Variants in AP1M1 observed in about 807,000 individuals in gnomAD.
AP1M1 encodes the protein adaptor related protein complex 1 subunit mu 1.
In AP1M1, 18 loss-of-function variants were observed where a neutral mutation model predicts 57.1. The observed-to-expected ratio is 0.32, with a 90% CI of 0.22 to 0.47. The LOEUF (loss-of-function observed/expected upper bound fraction) is 0.47, where lower values mean the gene tolerates loss of function less well. AP1M1 is among the 20% of genes least tolerant of loss of function. The probability of loss-of-function intolerance (pLI) is 1.00; values close to 1 mark genes in which losing one functional copy is unlikely to be tolerated. For missense variants in AP1M1, 362 were observed against 593.5 expected, an observed-to-expected ratio of 0.61 and a Z score of 4.05; for synonymous variants, 241 against 237.9, an observed-to-expected ratio of 1.01 and a Z score of -0.12.
chr19:16,240,036 T>G lies in AP1M1; in HGVS notation c.*5601T>G, dbSNP rs956290186. ...GCTGGACATGTACAGGTTTTCTTTT[T>G]TATTGTCATTATTCCTTAAATAATA... On this transcript the variant is annotated 3_prime_UTR_variant, in exon 12 of 12. Transcript: ENST00000291439. 16 of 152,208 alleles carry G rather than the reference T, an allele frequency of 1.1e-4. No homozygotes were observed. The highest frequency in any genetic ancestry group is 3.6e-4 in the African/African-American group (15 of 41,454). 9.4% of individuals were successfully genotyped at this position (152,208 alleles called of 1,614,324 possible).
At chr19:16,222,813 C>T (rs942860346) in intron 5 of AP1M1, among the ~76,000 whole-genome samples, 5 of 152,086 alleles carry the variant, frequency 3.3e-5, no homozygotes, top group African/African-American at 1.2e-4. Context: ...CCAGGACTTG[C>T]TGTGTTGCCC....
At chr19:16,234,360 C>G (rs1046008236) in intron 11 of AP1M1, 53 bp from the exon 12 acceptor site, 2 of 1,613,774 alleles carry the variant, frequency 1.2e-6, no homozygotes, top group Non-Finnish European at 8.5e-7. Flanking sequence ...GGTCGGGTCC[C>G]GAAAGCAGGG....
chr19:16,227,440 G>A lies in AP1M1; in HGVS notation c.674-108G>A, dbSNP rs1048617052. On this transcript the variant is annotated intron_variant, in intron 6 of 11. Coordinates refer to ENST00000291439, the MANE Select transcript of AP1M1 (RefSeq NM_032493.4). The surrounding 1 kb of genome is among the most constrained non-coding windows in gnomAD (Gnocchi z 6.2). ...TTGTGGCCCAGGCTGCTCTCAGTGC[G>A]TGGACTGGGGGCCCTGCTCTGCCGG... The A allele has an allele frequency of 1.1e-4, 139 of 1,323,584 alleles. No individual in the cohort carries two copies. The highest frequency in any genetic ancestry group is 2.6e-4 in the African/African-American group (18 of 68,804). 82.0% of individuals were successfully genotyped at this position (1,323,584 alleles called of 1,614,324 possible).
At chr19:16,208,379 A>C in intron 4 of AP1M1, 1 of 410,986 alleles carries the variant, frequency 2.4e-6, no homozygotes, top group Non-Finnish European at 4.4e-6. Flanking sequence ...TTTACTCTCC[A>C]TCCACACAGA....
Position 16,240,364 on chromosome 19 carries a change from A to G in AP1M1, c.*5929A>G, listed in dbSNP as rs2091641517. 6.6e-6 allele frequency: 1 copy of G among 152,122 alleles called. No homozygotes were observed. The highest frequency in any genetic ancestry group is 1.5e-5 in the Non-Finnish European group (1 of 68,060). The allele number at this position is 152,122 out of a possible 1,614,324, so 9.4% of individuals were successfully genotyped here. A position where few individuals can be genotyped will look rare whatever the true frequency, so the allele number is the denominator to read the frequency against. On this transcript the variant is annotated 3_prime_UTR_variant, in exon 12 of 12. Coordinates refer to ENST00000291439, the MANE Select transcript of AP1M1 (RefSeq NM_032493.4). ...CCCAACATGCCAGCAAGTATCTAAC[A>G]CAAACCAAAAAATGAGAACTGGGGA...
In AP1M1 at chr19:16,237,938, C is replaced by T. The variant is rs1247025360; in HGVS notation, c.*3503C>T. 1.3e-5 allele frequency: 2 copies of T among 151,902 alleles called. No homozygotes were observed. Among genetic ancestry groups the T allele is most frequent in the Non-Finnish European group, 2.9e-5 (2 of 68,014 alleles). The allele number at this position is 151,902 out of a possible 1,614,324, so 9.4% of individuals were successfully genotyped here. A position where few individuals can be genotyped will look rare whatever the true frequency, so the allele number is the denominator to read the frequency against. Reference sequence around the variant, plus strand: ...CTCACTGCAGCCTCGAGCTGCCAGGCTCAGCCAATCCTGCCTCAGCCTCTT... The same window carrying T: ...CTCACTGCAGCCTCGAGCTGCCAGGTTCAGCCAATCCTGCCTCAGCCTCTT... On this transcript the variant is annotated 3_prime_UTR_variant, in exon 12 of 12. Coordinates refer to ENST00000291439, the MANE Select transcript of AP1M1 (RefSeq NM_032493.4).
Position 16,234,778 on chromosome 19 carries a change from AGCT to A in AP1M1, c.*346_*348del. The A allele has an allele frequency of 2.3e-6, 1 of 426,398 alleles. No individual in the cohort carries two copies. Among genetic ancestry groups the A allele is most frequent in the African/African-American group, 2.0e-5 (1 of 50,922 alleles). 26.4% of individuals were successfully genotyped at this position (426,398 alleles called of 1,614,324 possible). On this transcript the variant is annotated 3_prime_UTR_variant, in exon 12 of 12. Coordinates refer to ENST00000291439, the MANE Select transcript of AP1M1 (RefSeq NM_032493.4). ...CTTGGCCAACGCTTGCCAGCCAGCC[AGCT>A]GCAGGTGGCATCTGCCACGAAGGAA...
Position 16,227,715 on chromosome 19 carries a change from G to A in AP1M1, c.816+25G>A, listed in dbSNP as rs2145137423. 1.9e-6 allele frequency: 3 copies of A among 1,607,518 alleles called. No homozygotes were observed. Among genetic ancestry groups the A allele is most frequent in the Non-Finnish European group, 2.6e-6 (3 of 1,175,600 alleles). ...CGTGAGTGCGCCACCCTGGGGCTGG[G>A]CTGTCGGCAGACTCCTCCTCCCCTT... On this transcript the variant is annotated intron_variant, in intron 7 of 11. Transcript: ENST00000291439. The surrounding 1 kb of genome is among the most constrained non-coding windows in gnomAD (Gnocchi z 6.2).
In AP1M1 at chr19:16,203,336, G is replaced by T; in HGVS notation, c.43-123G>T. The stretch of plus-strand genomic sequence containing the variant: ...ACGGCCTCAAGTCCTGCTCTTTTGC[G>T]GATAGTGGCCATGACCGGAGTCCCC... On this transcript the variant is annotated intron_variant, in intron 1 of 11. Transcript: ENST00000291439. The surrounding 1 kb of genome is among the most constrained non-coding windows in gnomAD (Gnocchi z 4.6). 1.1e-6 allele frequency: 1 copy of T among 943,964 alleles called. No homozygotes were observed. Among genetic ancestry groups the T allele is most frequent in the Non-Finnish European group, 1.6e-6 (1 of 613,362 alleles). 58.5% of individuals were successfully genotyped at this position (943,964 alleles called of 1,614,324 possible).
chr19:16,234,146 G>A, intron 10 of AP1M1, 53 bp from the exon 11 acceptor site: 1 of 1,548,742 alleles, frequency 6.5e-7, no homozygotes, highest in South Asian at 1.2e-5. Context: ...ATTAAGGGGG[G>A]ACCAACAGGG....
Position 16,210,041 on chromosome 19 carries a change from C to T in AP1M1, c.546+864C>T, listed in dbSNP as rs190712125. On this transcript the variant is annotated intron_variant, in intron 5 of 11. Coordinates refer to ENST00000291439, the MANE Select transcript of AP1M1 (RefSeq NM_032493.4). ...TGTTCTCCATCACTGGAGTCTTCAT[C>T]GTGTTGTGATTGTCACACGAGTGGC... Among the ~76,000 whole-genome samples the T allele has an allele frequency of 1.1e-4, 17 of 152,236 alleles. No individual in the cohort carries two copies. In the East Asian group the frequency reaches 2.5e-3, roughly 22 times the overall value.
chr19:16,208,114 C>T lies in AP1M1; in HGVS notation c.363C>T (p.Gly121=). 6.2e-7 allele frequency: 1 copy of T among 1,613,650 alleles called. No individual in the cohort carries two copies. The highest frequency in any genetic ancestry group is 8.5e-7 in the Non-Finnish European group (1 of 1,179,814). Residue 121 remains glycine (G), a synonymous_variant, in exon 4 of 12, where the codon GGC becomes GGT. Coordinates refer to ENST00000291439, the MANE Select transcript of AP1M1 (RefSeq NM_032493.4). ...TGCTGGACGAGCTCATGGACTTCGG[C>T]TACCCCCAGACCACCGACAGCAAGA... ...YELLDELMDF[G]YPQTTDSKIL...
chr19:16,228,678 C>A lies in AP1M1; in HGVS notation c.889-92C>A, dbSNP rs189626812. On this transcript the variant is annotated intron_variant, in intron 8 of 11. Transcript: ENST00000291439. This position sits in a 1 kb window ranked among gnomAD's most constrained non-coding sequence, Gnocchi z 5.0. ...GCCAGGGGCGGGGCTAGGGAGGATC[C>A]CCCGGGCCAGGCTGAGGGGCATGTG... 2.0e-6 allele frequency: 3 copies of A among 1,474,590 alleles called. No homozygotes were observed. The Admixed American group carries it at 5.3e-5, about 26-fold the overall frequency. 91.3% of individuals were successfully genotyped at this position (1,474,590 alleles called of 1,614,324 possible). A position where few individuals can be genotyped will look rare whatever the true frequency, so the allele number is the denominator to read the frequency against.
intron 9 of AP1M1, among the ~76,000 whole-genome samples, chr19:16,229,865 C>T (rs1420877171): frequency 2.6e-5 from 4 of 152,198 alleles, no homozygotes; most frequent in African/African-American, 9.7e-5. Flanking sequence ...CCTGCCCTTC[C>T]ACGTGGCGCT....
At position 16,240,957 on chromosome 19, in the gene AP1M1, CGAA is replaced by C. The variant is rs1314133479; in HGVS notation, c.*6525_*6527del. 3 of 152,106 alleles carry C rather than the reference CGAA, an allele frequency of 2.0e-5. No homozygotes were observed. The highest frequency in any genetic ancestry group is 7.2e-5 in the African/African-American group (3 of 41,406). The allele number at this position is 152,106 out of a possible 1,614,324, so 9.4% of individuals were successfully genotyped here. ...TTTCACAACTGGAACAACAAAAGTCCGAAGATAGAGCATGGCTTCAAATTACTG... is the reference window on the plus strand; with the variant it reads ...TTTCACAACTGGAACAACAAAAGTCCGATAGAGCATGGCTTCAAATTACTG... On this transcript the variant is annotated 3_prime_UTR_variant, in exon 12 of 12. Coordinates refer to ENST00000291439, the MANE Select transcript of AP1M1 (RefSeq NM_032493.4).
rs1323646372 is a variant in AP1M1, at chr19:16,235,623, C to T, written c.*1188C>T. 6.6e-6 allele frequency: 1 copy of T among 152,382 alleles called. No individual in the cohort carries two copies. The highest frequency in any genetic ancestry group is 2.4e-5 in the African/African-American group (1 of 41,452). The allele number at this position is 152,382 out of a possible 1,614,324, so 9.4% of individuals were successfully genotyped here. ...GATGGCCAACAGCTTGTCCCCACCT[C>T]TCCCCAAACTGATGGCCCACTCAGA... On this transcript the variant is annotated 3_prime_UTR_variant, in exon 12 of 12. Coordinates refer to ENST00000291439, the MANE Select transcript of AP1M1 (RefSeq NM_032493.4).
At chr19:16,210,739 T>C (rs1403526220) in intron 5 of AP1M1, among the ~76,000 whole-genome samples, 1 of 152,012 alleles carries the variant, frequency 6.6e-6, no homozygotes, top group Non-Finnish European at 1.5e-5. Context: ...TTTGTATTTT[T>C]ACTAGAGACG....
intron 5 of AP1M1, among the ~76,000 whole-genome samples, chr19:16,224,238 C>A (rs185683345): frequency 7.8e-4 from 119 of 152,324 alleles, no homozygotes; most frequent in African/African-American, 2.7e-3. Flanking sequence ...TTTATTGAGC[C>A]GAAAACAGGG....
intron 5 of AP1M1, among the ~76,000 whole-genome samples, chr19:16,223,036 T>TG (rs1478544555): frequency 9.2e-5 from 14 of 152,180 alleles, no homozygotes; most frequent in Non-Finnish European, 2.1e-4. Flanking sequence ...TGCTGAGTAA[T>TG]TTTGGATTGC....
Sources: allele counts gnomAD v4.1 joint callset (sites outside exome capture counted in the v4.1 genomes callset), GRCh38; gene constraint gnomAD v4.1.1; non-coding constraint Gnocchi (gnomAD v3.1); transcripts MANE v1.5; gene names NCBI Gene and HGNC (gene_info 2026-07-23, HGNC 2026-07-21).